FANK1: variants seen among roughly 807,000 people sequenced by gnomAD.
The protein encoded by FANK1 is fibronectin type 3 and ankyrin repeat domains protein 1.
Under a neutral mutation model 45.3 loss-of-function variants are expected in FANK1, and 44 were observed. The observed-to-expected ratio is 0.97, with a 90% confidence interval of 0.76 to 1.25. The LOEUF (loss-of-function observed/expected upper bound fraction) is 1.25. Ranked by LOEUF, FANK1 falls within the 50% of genes most tolerant of loss-of-function variation. The pLI is 0.00. For missense variants in FANK1, 391 were observed against 424.4 expected, an observed-to-expected ratio of 0.92 and a Z score of 0.69; for synonymous variants, 149 against 152.5, an observed-to-expected ratio of 0.98 and a Z score of 0.17.
At chr10:125,912,443 A>AGTGTGTGTGTGTGTGT (rs60956003) in intron 1 of FANK1, among the ~76,000 whole-genome samples, 12 of 147,194 alleles carry the variant, frequency 8.2e-5, no homozygotes, top group Admixed American at 6.9e-4. Flanking sequence ...GCACCACCAA[A>AGTGTGTGTGTGTGTGT]GTGTGTGTGT....
intron 1 of FANK1, among the ~76,000 whole-genome samples, chr10:125,926,728 T>A (rs1163087129): frequency 1.3e-5 from 2 of 152,234 alleles, no homozygotes; most frequent in African/African-American, 4.8e-5. Flanking sequence ...TTTCCTGCTC[T>A]TCATTTCTTC....
chr10:125,957,685 C>T (rs1410359772), intron 1 of FANK1, among the ~76,000 whole-genome samples: 3 of 151,944 alleles, frequency 2.0e-5, no homozygotes, highest in East Asian at 3.9e-4. Context: ...GCACCACACC[C>T]GGCTGATTTT....
intron 1 of FANK1, among the ~76,000 whole-genome samples, chr10:125,920,740 T>G (rs568394767): frequency 6.6e-6 from 1 of 152,350 alleles, no homozygotes; most frequent in South Asian, 2.1e-4. Context: ...GTACAACCTT[T>G]TATGAAATTA....
In FANK1 at chr10:125,993,435, C is replaced by T. The variant is rs1262878303; in HGVS notation, c.317-1982C>T. On this transcript the variant is annotated intron_variant, in intron 3 of 10. Transcript: ENST00000368693. ...GATTTTAAGTCCTTATTAATCTAGC[C>T]CAGGGTTCTCAACTTTGGTACTACT... 2.0e-5 allele frequency among the ~76,000 whole-genome samples: 3 copies of T among 152,102 alleles called. No individual in the cohort carries two copies. The East Asian group carries it at 5.8e-4, about 29-fold the overall frequency.
chr10:125,968,816 A>C (rs1351915947), intron 1 of FANK1, among the ~76,000 whole-genome samples: 1 of 152,166 alleles, frequency 6.6e-6, no homozygotes, highest in Admixed American at 6.5e-5. Context: ...TCAAACCTAT[A>C]ATTTGTGAGT....
At chr10:125,980,670 T>A (rs1951146140) in intron 2 of FANK1, 1 of 263,636 alleles carries the variant, frequency 3.8e-6, no homozygotes, top group Admixed American at 5.1e-5. Context: ...TGACGTGGAA[T>A]GGCCCCGCAT....
chr10:125,912,443 AGTGTGTGTGTGTGTGTG>A (rs1946093318), intron 1 of FANK1, among the ~76,000 whole-genome samples: 1 of 147,194 alleles, frequency 6.8e-6, no homozygotes, highest in African/African-American at 2.5e-5. Flanking sequence ...GCACCACCAA[AGTGTGTGTGTGTGTGTG>A]TGTGTGTGTG....
At chr10:125,938,291 G>T (rs1948229214) in intron 1 of FANK1, among the ~76,000 whole-genome samples, 1 of 64,180 alleles carries the variant, frequency 1.6e-5, no homozygotes, top group African/African-American at 5.8e-5. Flanking sequence ...ATGAATTTAT[G>T]ATTAAAAAAA....
intron 1 of FANK1, among the ~76,000 whole-genome samples, chr10:125,975,912 T>G (rs1950824847): frequency 6.6e-6 from 1 of 152,202 alleles, no homozygotes; most frequent in African/African-American, 2.4e-5. Flanking sequence ...TGTGGTTGCT[T>G]TACAGTGACA....
At chr10:125,901,217 A>G (rs1211597351) in intron 1 of FANK1, among the ~76,000 whole-genome samples, 1 of 152,156 alleles carries the variant, frequency 6.6e-6, no homozygotes, top group Non-Finnish European at 1.5e-5. Flanking sequence ...CTAGTCTTCC[A>G]AGCCTTCCCA....
chr10:125,953,561 A>G (rs1410852284), intron 1 of FANK1, among the ~76,000 whole-genome samples: 4 of 152,146 alleles, frequency 2.6e-5, no homozygotes, highest in Admixed American at 2.6e-4. Flanking sequence ...CCACATTTTT[A>G]TGGTAACAAC....
chr10:125,963,275 T>C (rs533038902), intron 1 of FANK1, among the ~76,000 whole-genome samples: 3 of 152,314 alleles, frequency 2.0e-5, no homozygotes, highest in Non-Finnish European at 4.4e-5. Context: ...TGGAGAAATA[T>C]GAACACTTTT....
At position 126,008,557 on chromosome 10, in the gene FANK1, C is replaced by T. The variant is rs747277381; in HGVS notation, c.849+7C>T. The stretch of plus-strand genomic sequence containing the variant: ...TGGAAAGACGCCCCTTATGGTAGGT[C>T]CTCCTCCCGAAAATAGGCAGTTTTC... On this transcript the variant is annotated splice_region_variant and intron_variant, in intron 8 of 10. Transcript: ENST00000368693. The T allele has an allele frequency of 5.6e-6, 9 of 1,595,070 alleles. No individual in the cohort carries two copies. In the African/African-American group the frequency reaches 6.8e-5, roughly 12 times the overall value.
intron 1 of FANK1, among the ~76,000 whole-genome samples, chr10:125,956,202 T>TGC (rs1554930958): frequency 1.4e-5 from 1 of 72,438 alleles, no homozygotes; most frequent in South Asian, 6.7e-4. Context: ...ATACATTTTT[T>TGC]GGGGGGGGGG....
chr10:125,900,985 T>C (rs1450388374), intron 1 of FANK1, among the ~76,000 whole-genome samples: 1 of 152,008 alleles, frequency 6.6e-6, no homozygotes, highest in East Asian at 1.9e-4. Context: ...TAGTTGTTGT[T>C]TTTAGAGAGA....
intron 1 of FANK1, among the ~76,000 whole-genome samples, chr10:125,922,929 T>C (rs1589868261): frequency 6.6e-6 from 1 of 152,316 alleles, no homozygotes; most frequent in African/African-American, 2.4e-5. Context: ...TTTAACCTTA[T>C]AAAATGAACT....
At chr10:125,925,417 AT>A (rs1165039360) in intron 1 of FANK1, among the ~76,000 whole-genome samples, 1 of 149,432 alleles carries the variant, frequency 6.7e-6, no homozygotes, top group South Asian at 2.1e-4. Context: ...GTATGTGTGT[AT>A]TTTTTTCCCA....
chr10:125,944,482 A>C (rs1948644523), intron 1 of FANK1, among the ~76,000 whole-genome samples: 1 of 152,218 alleles, frequency 6.6e-6, no homozygotes, highest in Non-Finnish European at 1.5e-5. Flanking sequence ...TTAACAATTC[A>C]ATACCTTCCT....
chr10:125,934,647 T>TTG, intron 1 of FANK1, among the ~76,000 whole-genome samples: 1 of 151,114 alleles, frequency 6.6e-6, no homozygotes, highest in East Asian at 1.9e-4. Context: ...TTATTTAGCA[T>TTG]TGTGTACTGA....
Sources: allele counts gnomAD v4.1 joint callset (sites outside exome capture counted in the v4.1 genomes callset), GRCh38; gene constraint gnomAD v4.1.1; transcripts MANE v1.5; gene names NCBI Gene and HGNC (gene_info 2026-07-23, HGNC 2026-07-21).